Variants in CCDC192 observed in about 807,000 individuals in gnomAD.
CCDC192 encodes the protein coiled-coil domain containing 192.
rs111389702 is a variant in CCDC192, at chr5:127,728,949, C to T, written c.114+21189C>T. 4.9e-3 allele frequency among the ~76,000 whole-genome samples: 752 copies of T among 152,204 alleles called. 3 individuals are homozygous for T. The highest frequency in any genetic ancestry group is 8.5e-3 in the Non-Finnish European group (581 of 68,004). On this transcript the variant is annotated intron_variant, in intron 2 of 6. Transcript: ENST00000514853. ...GGAGACAGAGTCTGGCTCTGTCACC[C>T]AGGCTGGAGTGCAGTGGCATGATCT...
intron 6 of CCDC192, among the ~76,000 whole-genome samples, chr5:127,924,787 G>A (rs963977051): frequency 6.6e-6 from 1 of 152,096 alleles, no homozygotes; most frequent in Non-Finnish European, 1.5e-5. Flanking sequence ...AGCAATAAGA[G>A]GCAAATATTT....
chr5:127,719,470 C>T (rs201437706), intron 2 of CCDC192, among the ~76,000 whole-genome samples: 3 of 36,206 alleles, frequency 8.3e-5, no homozygotes, highest in Non-Finnish European at 1.1e-4. Context: ...TATATACAGA[C>T]ACATACATAT....
At chr5:127,886,768 G>C (rs963525866) in intron 6 of CCDC192, among the ~76,000 whole-genome samples, 1 of 152,146 alleles carries the variant, frequency 6.6e-6, no homozygotes, top group Non-Finnish European at 1.5e-5. Flanking sequence ...ATTTTTAACT[G>C]TGCAGGAGGT....
At chr5:127,834,796 A>G (rs1223962729) in intron 5 of CCDC192, among the ~76,000 whole-genome samples, 1 of 152,222 alleles carries the variant, frequency 6.6e-6, no homozygotes, top group Admixed American at 6.5e-5. Flanking sequence ...CAAAAACATT[A>G]TCATCTAATG....
chr5:127,778,426 T>C (rs565662821), intron 3 of CCDC192, among the ~76,000 whole-genome samples: 1 of 152,340 alleles, frequency 6.6e-6, no homozygotes, highest in Admixed American at 6.5e-5. Flanking sequence ...AATCCATTTT[T>C]AGATATTGAA....
intron 3 of CCDC192, among the ~76,000 whole-genome samples, chr5:127,793,750 A>G (rs960410293): frequency 6.6e-6 from 1 of 152,226 alleles, no homozygotes; most frequent in Non-Finnish European, 1.5e-5. Flanking sequence ...CTAGTATACT[A>G]TATCTACCAA....
chr5:127,906,642 C>T (rs1466191669), intron 6 of CCDC192, among the ~76,000 whole-genome samples: 1 of 151,928 alleles, frequency 6.6e-6, no homozygotes, highest in African/African-American at 2.4e-5. Context: ...AAAAATTAGC[C>T]AGGCATGGTG....
chr5:127,846,759 C>T (rs1031222892), intron 5 of CCDC192, among the ~76,000 whole-genome samples: 8 of 149,572 alleles, frequency 5.3e-5, no homozygotes, highest in African/African-American at 1.7e-4. Flanking sequence ...CGTGAGCCAC[C>T]GCGCTTGGCC....
chr5:127,726,220 A>T (rs1047600798), intron 2 of CCDC192, among the ~76,000 whole-genome samples: 3 of 152,200 alleles, frequency 2.0e-5, no homozygotes, highest in African/African-American at 7.2e-5. Context: ...AAATAATAAA[A>T]TTCACAAAAT....
At chr5:127,755,363 T>A (rs943321712) in intron 3 of CCDC192, among the ~76,000 whole-genome samples, 2 of 152,150 alleles carry the variant, frequency 1.3e-5, no homozygotes, top group Non-Finnish European at 2.9e-5. Flanking sequence ...ATAATTAATA[T>A]ATAATTTAGT....
At chr5:127,755,530 A>G (rs114068930) in intron 3 of CCDC192, among the ~76,000 whole-genome samples, 2,022 of 151,664 alleles carry the variant, frequency 0.013, 20 homozygotes, top group African/African-American at 0.028. Flanking sequence ...GCCCTTTTGG[A>G]AAAGTTTCCA....
intron 2 of CCDC192, among the ~76,000 whole-genome samples, chr5:127,715,759 G>A (rs1751590637): frequency 6.6e-6 from 1 of 152,054 alleles, no homozygotes; most frequent in South Asian, 2.1e-4. Context: ...TTTCATCAAT[G>A]TTTTGTAGTT....
At chr5:127,911,736 T>G (rs1753360902) in intron 6 of CCDC192, among the ~76,000 whole-genome samples, 1 of 150,452 alleles carries the variant, frequency 6.6e-6, no homozygotes, top group Non-Finnish European at 1.5e-5. Flanking sequence ...CAGGGTGGTG[T>G]TACTCTGTCA....
chr5:127,714,381 G>A (rs190789723), intron 2 of CCDC192, among the ~76,000 whole-genome samples: 163 of 152,102 alleles, frequency 1.1e-3, no homozygotes, highest in African/African-American at 3.7e-3. Flanking sequence ...TTGGATCATA[G>A]GGTAGTTTAT....
intron 6 of CCDC192, among the ~76,000 whole-genome samples, chr5:127,920,228 T>C (rs1753668464): frequency 6.6e-6 from 1 of 152,182 alleles, no homozygotes; most frequent in African/African-American, 2.4e-5. Context: ...GAGAGATTTG[T>C]GCTCACACAC....
At chr5:127,936,786 C>G (rs973401782) in intron 6 of CCDC192, among the ~76,000 whole-genome samples, 1 of 152,180 alleles carries the variant, frequency 6.6e-6, no homozygotes, top group Non-Finnish European at 1.5e-5. Context: ...CAGATAACAG[C>G]ACCTCCAGGC....
Position 127,786,848 on chromosome 5 carries a change from G to A in CCDC192, c.223-10255G>A, listed in dbSNP as rs1276795034. On this transcript the variant is annotated intron_variant, in intron 3 of 6. Coordinates refer to ENST00000514853, the MANE Select transcript of CCDC192 (RefSeq NM_001317938.2). The stretch of plus-strand genomic sequence containing the variant: ...GCCCCTTTTTTGATGTAGAAACTCT[G>A]GCTCCTCATGCTTGGTTTGACTGGT... 6 of 510,522 alleles carry A rather than the reference G, an allele frequency of 1.2e-5. No homozygotes were observed. The East Asian group carries it at 2.1e-4, about 18-fold the overall frequency. The allele number at this position is 510,522 out of a possible 1,614,324, so 31.6% of individuals were successfully genotyped here.
intron 6 of CCDC192, among the ~76,000 whole-genome samples, chr5:127,925,520 G>C (rs191157121): frequency 1.3e-4 from 20 of 152,230 alleles, no homozygotes; most frequent in Admixed American, 7.2e-4. Context: ...GCCCATCCTT[G>C]AGTCAATTTC....
At chr5:127,772,724 G>T (rs748913085) in intron 3 of CCDC192, among the ~76,000 whole-genome samples, 3 of 152,146 alleles carry the variant, frequency 2.0e-5, no homozygotes, top group Non-Finnish European at 4.4e-5. Context: ...TACTGGAAAT[G>T]AAACAAACAT....
Sources: allele counts gnomAD v4.1 joint callset (sites outside exome capture counted in the v4.1 genomes callset), GRCh38; gene constraint gnomAD v4.1.1; transcripts MANE v1.5; gene names NCBI Gene and HGNC (gene_info 2026-07-23, HGNC 2026-07-21).